CABIN1: variants seen among roughly 807,000 people sequenced by gnomAD.
CABIN1 encodes calcineurin binding protein 1.
Under a neutral mutation model 227.7 loss-of-function variants are expected in CABIN1, and 133 were observed. The observed-to-expected ratio is 0.58, with a 90% CI of 0.51 to 0.67. The LOEUF is 0.67. Among genes scored for constraint, CABIN1 ranks in the 30% least tolerant of loss-of-function variants. The pLI is 0.00. For synonymous variants in CABIN1, 1,086 were observed against 1,155.1 expected (o/e 0.94, Z 1.21); for missense variants, 2,408 against 2,852.5 (o/e 0.84, Z 3.55).
At chr22:24,018,832 G>A (rs995982928) in intron 1 of CABIN1, among the ~76,000 whole-genome samples, 1 of 151,952 alleles carries the variant, frequency 6.6e-6, no homozygotes, top group African/African-American at 2.4e-5. Flanking sequence ...GGATTGCATT[G>A]AATGTATAAA....
chr22:24,131,292 G>A (rs1027774867), intron 28 of CABIN1, among the ~76,000 whole-genome samples: 7 of 152,310 alleles, frequency 4.6e-5, no homozygotes, highest in Admixed American at 2.0e-4. Context: ...TCCAAGTTCC[G>A]GAGGAGCCCC....
chr22:24,139,565 C>CAA (rs71184948), intron 29 of CABIN1, among the ~76,000 whole-genome samples: 5 of 132,576 alleles, frequency 3.8e-5, no homozygotes, highest in African/African-American at 5.5e-5. Flanking sequence ...GACTCCGTGT[C>CAA]AAAAAAAAAA....
chr22:24,041,024 C>A lies in CABIN1; in HGVS notation c.211-115C>A, dbSNP rs183919279. The stretch of plus-strand genomic sequence containing the variant: ...GCCTTCATTTTCCAGTGGTGGACAA[C>A]ACTAGACTGGCTCAAGGGCCTGCAG... On this transcript the variant is annotated intron_variant, in intron 4 of 36. Transcript: ENST00000263119. The A allele has an allele frequency of 1.8e-3, 2,290 of 1,251,112 alleles. 5 individuals are homozygous for A. Among genetic ancestry groups the A allele is most frequent in the Admixed American group, 2.2e-3 (128 of 58,598 alleles). 77.5% of individuals were successfully genotyped at this position (1,251,112 alleles called of 1,614,324 possible).
chr22:24,167,026 C>T lies in CABIN1; in HGVS notation c.5395C>T (p.Leu1799=), dbSNP rs983406741. 2 of 1,552,816 alleles carry T rather than the reference C, an allele frequency of 1.3e-6. No homozygotes were observed. The highest frequency in any genetic ancestry group is 2.4e-5 in the East Asian group (1 of 41,138). ...CGAGAGCCGGCCCACTGAGCTGTCC[C>T]TGGAGGAGCTGAGCATCAGTGCCCG... The part of the protein sequence containing the change: ...GPESRPTELS[L]EELSISARQQ... The change falls in exon 32 of 37, where the codon CTG becomes TTG. Residue 1799 remains leucine, a synonymous_variant. Coordinates refer to ENST00000263119, the MANE Select transcript of CABIN1 (RefSeq NM_012295.4).
Position 24,170,314 on chromosome 22 carries a change from C to T in CABIN1, c.5758-1399C>T, listed in dbSNP as rs1569318937. On this transcript the variant is annotated intron_variant, in intron 33 of 36. Coordinates refer to ENST00000263119, the MANE Select transcript of CABIN1 (RefSeq NM_012295.4). ...CCATCAGAGCCCATAGCTCCCGCCC[C>T]TCAGGGAGTGTCCATTTTGCTCACG... is the stretch of plus-strand genomic sequence containing the variant. 2.0e-5 allele frequency among the ~76,000 whole-genome samples: 3 copies of T among 152,216 alleles called. No homozygotes were observed. In the South Asian group the frequency reaches 6.2e-4, roughly 31 times the overall value.
intron 33 of CABIN1, among the ~76,000 whole-genome samples, chr22:24,169,181 A>T (rs2046639166): frequency 6.6e-6 from 1 of 151,980 alleles, no homozygotes; most frequent in South Asian, 2.1e-4. Flanking sequence ...CAACAAGAGG[A>T]TGTGGCAGGG....
chr22:24,076,530 T>A (rs1222199952), intron 19 of CABIN1, among the ~76,000 whole-genome samples: 2 of 152,154 alleles, frequency 1.3e-5, no homozygotes, highest in Non-Finnish European at 2.9e-5. Flanking sequence ...GCTCCGGAGC[T>A]CTTGAACAGC....
At chr22:24,098,223 C>T (rs754732045) in intron 26 of CABIN1, 31 bp downstream of exon 26, 10 of 1,613,510 alleles carry the variant, frequency 6.2e-6, no homozygotes, top group Non-Finnish European at 8.5e-6. Flanking sequence ...ACTGCCAGCC[C>T]AGGGCGGCAC....
At chr22:24,149,141 G>T (rs1056066688) in intron 29 of CABIN1, among the ~76,000 whole-genome samples, 3 of 152,196 alleles carry the variant, frequency 2.0e-5, no homozygotes, top group African/African-American at 4.8e-5. Flanking sequence ...GGACCAAGAG[G>T]AACAGACCAA....
At chr22:24,133,868 G>C (rs746964705) in intron 28 of CABIN1, among the ~76,000 whole-genome samples, 4 of 152,218 alleles carry the variant, frequency 2.6e-5, no homozygotes, top group Non-Finnish European at 5.9e-5. Flanking sequence ...ACTGTGGCCA[G>C]AGTCCAGCCC....
chr22:24,069,761 G>GA (rs2039955334), intron 16 of CABIN1, among the ~76,000 whole-genome samples: 1 of 152,102 alleles, frequency 6.6e-6, no homozygotes, highest in African/African-American at 2.4e-5. Context: ...ATAAATTGGG[G>GA]GGGGTTTTGA....
intron 4 of CABIN1, among the ~76,000 whole-genome samples, chr22:24,039,245 A>ACAGTCCT (rs1463554626): frequency 3.3e-5 from 5 of 152,220 alleles, no homozygotes; most frequent in African/African-American, 1.2e-4. Flanking sequence ...ACTGGACTGC[A>ACAGTCCT]CAGTCCTTGA....
chr22:24,137,486 A>G (rs547457039), intron 29 of CABIN1, among the ~76,000 whole-genome samples: 6 of 152,342 alleles, frequency 3.9e-5, no homozygotes, highest in African/African-American at 9.6e-5. Flanking sequence ...CACATAGGCA[A>G]TGCCATCCCT....
At chr22:24,148,928 T>C (rs908847287) in intron 29 of CABIN1, among the ~76,000 whole-genome samples, 1 of 152,116 alleles carries the variant, frequency 6.6e-6, no homozygotes, top group Non-Finnish European at 1.5e-5. Flanking sequence ...CTGGGGTGGC[T>C]TCAGTCTGGA....
intron 7 of CABIN1, 76 bp downstream of exon 7, chr22:24,049,296 C>A: frequency 6.4e-7 from 1 of 1,559,074 alleles, no homozygotes; most frequent in South Asian, 1.1e-5. Context: ...ACACCACATT[C>A]TCCCCTCAGG....
chr22:24,093,617 C>T (rs2041694398), intron 24 of CABIN1, among the ~76,000 whole-genome samples: 1 of 151,846 alleles, frequency 6.6e-6, no homozygotes, highest in Non-Finnish European at 1.5e-5. Context: ...ACCTATAATC[C>T]CACTGCTTTG....
intron 28 of CABIN1, among the ~76,000 whole-genome samples, chr22:24,127,316 A>C (rs970351356): frequency 6.6e-6 from 1 of 152,086 alleles, no homozygotes; most frequent in African/African-American, 2.4e-5. Context: ...CCCCTCATCA[A>C]CTCCACAGGG....
chr22:24,080,281 G>C (rs1237384047), intron 19 of CABIN1, among the ~76,000 whole-genome samples: 1 of 152,106 alleles, frequency 6.6e-6, no homozygotes, highest in Non-Finnish European at 1.5e-5. Context: ...TGACAATACT[G>C]AATTGTCTTT....
intron 28 of CABIN1, among the ~76,000 whole-genome samples, chr22:24,126,394 G>A (rs991712646): frequency 5.9e-5 from 9 of 152,202 alleles, no homozygotes; most frequent in Non-Finnish European, 1.3e-4. Flanking sequence ...TGATGGCCAC[G>A]AGGATATTGG....
Sources: gnomAD v4.1 joint callset for allele counts (sites outside exome capture counted in the v4.1 genomes callset) on GRCh38, gnomAD v4.1.1 for gene constraint, MANE v1.5 for transcripts, NCBI Gene and HGNC (gene_info 2026-07-23, HGNC 2026-07-21) for gene names.